ZNF536: variants seen among roughly 807,000 people sequenced by gnomAD.
ZNF536 encodes zinc finger protein 536.
Under a neutral mutation model 84.5 loss-of-function variants are expected in ZNF536, and 13 were observed. The observed-to-expected ratio is 0.15, with a 90% CI of 0.10 to 0.24. The LOEUF (loss-of-function observed/expected upper bound fraction) is 0.24, where lower values mean the gene tolerates loss of function less well. Among genes scored for constraint, ZNF536 ranks in the 10% least tolerant of loss-of-function variants. The probability of loss-of-function intolerance (pLI) is 1.00; values close to 1 mark genes in which losing one functional copy is unlikely to be tolerated. For synonymous variants in ZNF536, 811 were observed against 742.5 expected (o/e 1.09, Z -1.50); for missense variants, 1,536 against 1,747.5 (o/e 0.88, Z 2.16).
intron 2 of ZNF536, among the ~76,000 whole-genome samples, chr19:30,289,685 T>C (rs2045768008): frequency 1.3e-5 from 2 of 152,204 alleles, no homozygotes; most frequent in Admixed American, 6.5e-5. Context: ...ATTGGAATTT[T>C]CTTCAGTCGC....
chr19:30,664,570 T>C (rs559006427), intron 1 of ZNF536, among the ~76,000 whole-genome samples: 8 of 151,988 alleles, frequency 5.3e-5, no homozygotes, highest in Admixed American at 2.0e-4. Flanking sequence ...CACCGGAAAA[T>C]AGAGGAATCA....
chr19:30,531,489 T>C (rs1053240338), intron 2 of ZNF536, among the ~76,000 whole-genome samples: 1 of 151,894 alleles, frequency 6.6e-6, no homozygotes, highest in Admixed American at 6.6e-5. Context: ...TGCAGGTGTG[T>C]GGCATGAGTA....
In ZNF536 at chr19:30,660,492, A is replaced by T. The variant is rs1235181808; in HGVS notation, c.170-50265A>T. On this transcript the variant is annotated intron_variant, in intron 1 of 1. Coordinates refer to the ZNF536 transcript ENST00000592773. ...CGGGGACTCTGCTGTTAAAATATATAAATGAAAGAAATTGACTTCAGGCCC... is the reference window on the plus strand; with the variant it reads ...CGGGGACTCTGCTGTTAAAATATATTAATGAAAGAAATTGACTTCAGGCCC... 5.3e-5 allele frequency among the ~76,000 whole-genome samples: 8 copies of T among 152,216 alleles called. No individual in the cohort carries two copies. The East Asian group carries it at 1.5e-3, about 29-fold the overall frequency.
intron 1 of ZNF536, among the ~76,000 whole-genome samples, chr19:30,410,536 G>A (rs568357298): frequency 1.4e-5 from 2 of 146,738 alleles, no homozygotes; most frequent in Non-Finnish European, 3.0e-5. Flanking sequence ...GTGCAGTGGC[G>A]CGATCTCGGC....
intron 1 of ZNF536, among the ~76,000 whole-genome samples, chr19:30,404,019 C>CTTTTTTT (rs11336660): frequency 8.1e-6 from 1 of 123,372 alleles, no homozygotes; most frequent in East Asian, 2.3e-4. Flanking sequence ...TTCCTTTCCT[C>CTTTTTTT]TTTTTTTTTT....
intron 2 of ZNF536, among the ~76,000 whole-genome samples, chr19:30,309,041 C>T (rs977144850): frequency 1.3e-5 from 2 of 152,062 alleles, no homozygotes; most frequent in Admixed American, 1.3e-4. Flanking sequence ...CAAGACTTTC[C>T]CACCCTGGTC....
At chr19:30,247,410 A>T (rs1212413574) in intron 1 of ZNF536, among the ~76,000 whole-genome samples, 1 of 152,168 alleles carries the variant, frequency 6.6e-6, no homozygotes, top group African/African-American at 2.4e-5. Flanking sequence ...CCGGTTCCTG[A>T]GCTCCACCTG....
intron 2 of ZNF536, among the ~76,000 whole-genome samples, chr19:30,518,430 G>T (rs2145659475): frequency 6.6e-6 from 1 of 152,292 alleles, no homozygotes; most frequent in Non-Finnish European, 1.5e-5. Flanking sequence ...CATGATAGTG[G>T]ATTATAACCG....
chr19:30,620,347 AACACACACACACAC>A (rs5827722), intron 1 of ZNF536, among the ~76,000 whole-genome samples: 1 of 150,312 alleles, frequency 6.7e-6, no homozygotes, highest in African/African-American at 2.4e-5. Context: ...ACATTTTTAA[AACACACACACACAC>A]ACACACACAC....
At chr19:30,681,676 G>A (rs1165722589) in intron 1 of ZNF536, among the ~76,000 whole-genome samples, 2 of 152,168 alleles carry the variant, frequency 1.3e-5, no homozygotes, top group African/African-American at 4.8e-5. Context: ...TGGATTCTAG[G>A]AAGCCACGCT....
At chr19:30,366,336 ATCTG>A (rs1389400875) in intron 3 of ZNF536, among the ~76,000 whole-genome samples, 1 of 152,060 alleles carries the variant, frequency 6.6e-6, no homozygotes, top group Non-Finnish European at 1.5e-5. Context: ...CAGTCTGTCT[ATCTG>A]TCTATTATCT....
At chr19:30,226,865 T>C (rs2022643290), upstream of ZNF536, among the ~76,000 whole-genome samples, 1 of 151,924 alleles carries the variant, frequency 6.6e-6, no homozygotes, top group Admixed American at 6.6e-5. This position sits in a 1 kb window ranked among gnomAD's most constrained non-coding sequence, Gnocchi z 4.6. Context: ...CCAGCGCAGA[T>C]GCATGACTGG....
In ZNF536 at chr19:30,620,737, C is replaced by A. The variant is rs117612815; in HGVS notation, c.169+71223C>A. On this transcript the variant is annotated intron_variant, in intron 1 of 1. Coordinates refer to the ZNF536 transcript ENST00000592773. ...CTTATTTTAGTTCAACATCATTTCC[C>A]AGTTGCAAACCTTTTGAATGACACA... Among the ~76,000 whole-genome samples, 110 of 152,222 alleles carry A rather than the reference C, an allele frequency of 7.2e-4. 1 individual carries two copies. The East Asian group carries it at 0.021, about 29-fold the overall frequency.
intron 1 of ZNF536, among the ~76,000 whole-genome samples, chr19:30,702,282 A>G (rs1462775481): frequency 6.6e-6 from 1 of 152,228 alleles, no homozygotes; most frequent in African/African-American, 2.4e-5. Flanking sequence ...CGCACTGTAT[A>G]CATATTTATA....
chr19:30,535,126 C>G (rs571037850), intron 3 of ZNF536, 127 bp downstream of exon 3: 20 of 1,112,246 alleles, frequency 1.8e-5, no homozygotes, highest in Non-Finnish European at 2.5e-5. Flanking sequence ...CTGGGCCTGT[C>G]TAGCCACCAT....
intron 1 of ZNF536, among the ~76,000 whole-genome samples, chr19:30,637,915 T>C (rs1199046484): frequency 6.7e-6 from 1 of 148,166 alleles, no homozygotes; most frequent in Non-Finnish European, 1.5e-5. Context: ...GCTGGTGTTA[T>C]GTAGACAAAA....
intron 3 of ZNF536, among the ~76,000 whole-genome samples, chr19:30,543,649 C>T (rs1448146332): frequency 6.6e-6 from 1 of 152,236 alleles, no homozygotes; most frequent in Non-Finnish European, 1.5e-5. Flanking sequence ...CTCAGGTAGA[C>T]TCAGCATCTG....
At chr19:30,394,152 C>G (rs2049715265) in intron 1 of ZNF536, among the ~76,000 whole-genome samples, 1 of 152,156 alleles carries the variant, frequency 6.6e-6, no homozygotes, top group Non-Finnish European at 1.5e-5. Context: ...TAACAATGAA[C>G]ACACGGGACC....
At chr19:30,634,997 T>TCTGGTTA (rs2049013856) in intron 1 of ZNF536, among the ~76,000 whole-genome samples, 2 of 152,230 alleles carry the variant, frequency 1.3e-5, no homozygotes, top group Admixed American at 6.5e-5. Flanking sequence ...TTATTTTAAT[T>TCTGGTTA]CTGGTTACTG....
Sources: gnomAD v4.1 joint callset for allele counts (sites outside exome capture counted in the v4.1 genomes callset) on GRCh38, gnomAD v4.1.1 for gene constraint, Gnocchi (gnomAD v3.1) non-coding constraint, MANE v1.5 for transcripts, NCBI Gene and HGNC (gene_info 2026-07-23, HGNC 2026-07-21) for gene names.